Variants in ARRDC5 observed in about 807,000 individuals in gnomAD.
The protein encoded by ARRDC5 is arrestin domain containing 5, also known as arrestin domain-containing protein 5.
A neutral mutation model predicts 13.3 loss-of-function variants in ARRDC5; 12 were observed. The observed-to-expected ratio is 0.90, with a 90% CI of 0.58 to 1.46. The LOEUF (loss-of-function observed/expected upper bound fraction) is 1.46, where lower values mean the gene tolerates loss of function less well. Among genes scored for constraint, ARRDC5 ranks in the 40% most tolerant of loss-of-function variants. The pLI is 0.00. For missense variants in ARRDC5, 406 were observed against 418.7 expected (o/e 0.97, Z 0.26); for synonymous variants, 181 against 173.4 (o/e 1.04, Z -0.34).
the ARRDC5 span, among the ~76,000 whole-genome samples, chr19:4,913,910 C>T: frequency 6.8e-6 from 1 of 148,002 alleles, no homozygotes; most frequent in East Asian, 2.1e-4. Context: ...CTCCTGGGTT[C>T]CAGCGATTCT....
intron 1 of ARRDC5, among the ~76,000 whole-genome samples, chr19:4,899,764 C>CAAAAAAAAAA (rs1217500792): frequency 1.5e-5 from 1 of 67,976 alleles, no homozygotes; most frequent in African/African-American, 6.0e-5. Flanking sequence ...CCCGTCTCTA[C>CAAAAAAAAAA]AAAAAAAAAA....
At chr19:4,901,430 G>A (rs958611089) in intron 1 of ARRDC5, among the ~76,000 whole-genome samples, 1 of 151,986 alleles carries the variant, frequency 6.6e-6, no homozygotes, top group Non-Finnish European at 1.5e-5. Context: ...CCTGGCCAAC[G>A]TGGTGAAACC....
intron 2 of ARRDC5, 123 bp downstream of exon 2, chr19:4,896,548 G>T (rs2031740750): frequency 2.9e-6 from 2 of 699,920 alleles, no homozygotes; most frequent in Admixed American, 5.4e-5. Context: ...TCGGGGCCTG[G>T]GAAGCTGCCA....
chr19:4,901,127 A>G (rs1183251163), intron 1 of ARRDC5, among the ~76,000 whole-genome samples: 1 of 152,094 alleles, frequency 6.6e-6, no homozygotes. Context: ...CAGCAAGAGC[A>G]AAACTCCGTC....
the ARRDC5 span, among the ~76,000 whole-genome samples, chr19:4,913,881 G>A: frequency 7.1e-6 from 1 of 140,936 alleles, no homozygotes; most frequent in Non-Finnish European, 1.5e-5. Flanking sequence ...GCGTGATCTC[G>A]GCTTACCTCA....
the ARRDC5 span, among the ~76,000 whole-genome samples, chr19:4,912,477 C>T: frequency 3.3e-5 from 5 of 152,120 alleles, no homozygotes; most frequent in Non-Finnish European, 5.9e-5. Flanking sequence ...GCTGAGTATC[C>T]ACTCTATGCC....
intron 2 of ARRDC5, among the ~76,000 whole-genome samples, chr19:4,892,119 G>A (rs1054487916): frequency 2.0e-5 from 3 of 151,902 alleles, no homozygotes; most frequent in Non-Finnish European, 2.9e-5. Flanking sequence ...ACAGAGTCTT[G>A]CTCTGTTGCC....
intron 1 of ARRDC5, among the ~76,000 whole-genome samples, chr19:4,900,151 T>C (rs1311235814): frequency 7.2e-6 from 1 of 138,458 alleles, no homozygotes; most frequent in Non-Finnish European, 1.6e-5. Context: ...TTCTTTTTTT[T>C]TTTTTTTTTT....
At chr19:4,916,626 G>GCGGCGCCGTCCACGC in the ARRDC5 span, among the ~76,000 whole-genome samples, 5 of 151,984 alleles carry the variant, frequency 3.3e-5, no homozygotes, top group African/African-American at 9.7e-5. Flanking sequence ...GGATGCCCTC[G>GCGGCGCCGTCCACGC]CGGCGCCGTC....
intron 1 of ARRDC5, among the ~76,000 whole-genome samples, chr19:4,898,124 G>A (rs1024372208): frequency 2.0e-5 from 3 of 151,998 alleles, no homozygotes; most frequent in African/African-American, 7.2e-5. Context: ...TAGTATGTGA[G>A]GCAGAGAAAA....
chr19:4,905,354 C>T (rs907117306), upstream of ARRDC5, among the ~76,000 whole-genome samples: 13 of 151,376 alleles, frequency 8.6e-5, no homozygotes, highest in Admixed American at 7.9e-4. Context: ...CTCCTGACCT[C>T]GTGATCCACC....
At chr19:4,916,622 C>T in the ARRDC5 span, among the ~76,000 whole-genome samples, 2 of 152,188 alleles carry the variant, frequency 1.3e-5, no homozygotes, top group East Asian at 3.9e-4. Flanking sequence ...GCTGGGATGC[C>T]CTCGCGGCGC....
At chr19:4,911,656 C>T in the ARRDC5 span, among the ~76,000 whole-genome samples, 2 of 152,206 alleles carry the variant, frequency 1.3e-5, no homozygotes, top group Admixed American at 1.3e-4. Context: ...CTGTCTCCAG[C>T]CCCTCGTTGC....
chr19:4,899,959 G>A (rs1400647198), intron 1 of ARRDC5, among the ~76,000 whole-genome samples: 1 of 147,206 alleles, frequency 6.8e-6, no homozygotes, highest in East Asian at 2.1e-4. Context: ...ATAAATAAAA[G>A]AAAAGAAAAC....
Position 4,893,922 on chromosome 19 carries a change from C to A in ARRDC5, c.460-2349G>T, listed in dbSNP as rs1481586557. The stretch of plus-strand genomic sequence containing the variant: ...AAATAGCCAGGCGTGGTGGTGGGCA[C>A]CTGTAGTCCCAGCTACTTGGGAGGC... On this transcript the variant is annotated intron_variant, in intron 2 of 2. Transcript: ENST00000650722. Among the ~76,000 whole-genome samples, 4 of 148,780 alleles carry A rather than the reference C, an allele frequency of 2.7e-5. No individual in the cohort carries two copies. In the South Asian group the frequency reaches 6.4e-4, roughly 24 times the overall value.
At position 4,902,480 on chromosome 19, in the gene ARRDC5, C is replaced by T. The variant is rs532071871; in HGVS notation, c.253+93G>A. On this transcript the variant is annotated intron_variant, in intron 1 of 2. Transcript: ENST00000650722. ...TCAGGCCACTCCCTATTTCTGATAGCCCTAGAGTTTTGTTGATTGACTCTC... is the reference window on the plus strand; with the variant it reads ...TCAGGCCACTCCCTATTTCTGATAGTCCTAGAGTTTTGTTGATTGACTCTC... 9.6e-6 allele frequency: 12 copies of T among 1,243,530 alleles called. No homozygotes were observed. The South Asian group carries it at 1.3e-4, about 14-fold the overall frequency. The allele number at this position is 1,243,530 out of a possible 1,614,324, so 77.0% of individuals were successfully genotyped here.
At chr19:4,912,203 G>A in the ARRDC5 span, among the ~76,000 whole-genome samples, 1 of 152,162 alleles carries the variant, frequency 6.6e-6, no homozygotes, top group East Asian at 1.9e-4. Flanking sequence ...AGTTGACGGT[G>A]CAAGCCGCGT....
At chr19:4,894,510 C>A (rs1353445232) in intron 2 of ARRDC5, among the ~76,000 whole-genome samples, 12 of 27,216 alleles carry the variant, frequency 4.4e-4, no homozygotes, top group Admixed American at 7.2e-4. Flanking sequence ...GACTCCGTCT[C>A]AAAAAAAAAA....
upstream of ARRDC5, chr19:4,902,937 C>T: frequency 6.4e-7 from 1 of 1,550,634 alleles, no homozygotes; most frequent in Non-Finnish European, 8.8e-7. Flanking sequence ...GCTCAGAGTT[C>T]CGGGAAGTGG....
Sources: allele counts gnomAD v4.1 joint callset (sites outside exome capture counted in the v4.1 genomes callset), GRCh38; gene constraint gnomAD v4.1.1; transcripts MANE v1.5; gene names NCBI Gene and HGNC (gene_info 2026-07-23, HGNC 2026-07-21).